The following KLRG1 variants were observed in gnomAD, a reference collection of about 807,000 sequenced individuals.
KLRG1 encodes killer cell lectin like receptor G1.
KLRG1 carries 16 observed loss-of-function variants against 21.8 expected under a neutral mutation model. The observed-to-expected ratio is 0.73, with a 90% confidence interval of 0.50 to 1.11. The LOEUF (loss-of-function observed/expected upper bound fraction) is 1.11, where lower values mean the gene tolerates loss of function less well. KLRG1 is among the 50% of genes most tolerant of loss of function. The pLI is 0.00. For synonymous variants in KLRG1, 69 were observed against 75.9 expected, an observed-to-expected ratio of 0.91 and a Z score of 0.47; for missense variants, 173 against 218.3, an observed-to-expected ratio of 0.79 and a Z score of 1.31.
chr12:9,010,041 G>A lies in KLRG1; in HGVS notation c.*504G>A, dbSNP rs1947597605. 6.5e-7 allele frequency: 1 copy of A among 1,530,350 alleles called. No individual in the cohort carries two copies. Among genetic ancestry groups the A allele is most frequent in the Non-Finnish European group, 8.7e-7 (1 of 1,143,084 alleles). 94.8% of individuals were successfully genotyped at this position (1,530,350 alleles called of 1,614,324 possible). A position where few individuals can be genotyped will look rare whatever the true frequency, so the allele number is the denominator to read the frequency against. On this transcript the variant is annotated 3_prime_UTR_variant, in exon 5 of 5. Coordinates refer to ENST00000356986, the MANE Select transcript of KLRG1 (RefSeq NM_005810.4). The stretch of plus-strand genomic sequence containing the variant: ...AGCTTTATTCTGAAGAATAAACCTA[G>A]CTGGCATGCTGGTGTGTACCTGTAG...
At chr12:9,154,694 C>A in the KLRG1 span, 1 of 1,614,102 alleles carries the variant, frequency 6.2e-7, no homozygotes. Flanking sequence ...AGGTCAGGTC[C>A]CCTGAGGTGG....
chr12:9,203,642 CT>C, the KLRG1 span: 1 of 1,174,722 alleles, frequency 8.5e-7, no homozygotes, highest in East Asian at 2.5e-5. Context: ...CACCTGGCCC[CT>C]GAAGTCCTAA....
chr12:9,006,250 G>A (rs906355112), intron 3 of KLRG1, among the ~76,000 whole-genome samples: 10 of 152,206 alleles, frequency 6.6e-5, no homozygotes, highest in African/African-American at 2.4e-4. Context: ...TAAAGAAAAT[G>A]AAACAGTATG....
the KLRG1 span, chr12:9,068,204 A>G: frequency 6.2e-7 from 1 of 1,611,532 alleles, no homozygotes; most frequent in Non-Finnish European, 8.5e-7. Context: ...GGAGCATTGT[A>G]CTCAGCAATT....
chr12:9,164,383 A>G, the KLRG1 span: 11 of 1,035,392 alleles, frequency 1.1e-5, no homozygotes, highest in Non-Finnish European at 1.1e-5. Flanking sequence ...TGTATGTCAC[A>G]TAGATTCATC....
intron 1 of KLRG1, among the ~76,000 whole-genome samples, chr12:8,959,050 G>GT (rs1290678154): frequency 6.6e-6 from 1 of 152,050 alleles, no homozygotes; most frequent in Admixed American, 6.6e-5. Context: ...AAGTTAAATT[G>GT]TTTTTTTGTC....
the KLRG1 span, among the ~76,000 whole-genome samples, chr12:9,065,475 C>G: frequency 6.6e-6 from 1 of 152,166 alleles, no homozygotes; most frequent in South Asian, 2.1e-4. Context: ...ACAGCCTGGC[C>G]GAGCGTGCAC....
the KLRG1 span, among the ~76,000 whole-genome samples, chr12:9,191,727 C>T: frequency 6.6e-6 from 1 of 152,082 alleles, no homozygotes; most frequent in Non-Finnish European, 1.5e-5. Context: ...TCTTGGTTCC[C>T]CAGGCCTCAA....
chr12:8,968,394 T>C (rs1946514385), intron 1 of KLRG1, among the ~76,000 whole-genome samples: 1 of 152,140 alleles, frequency 6.6e-6, no homozygotes, highest in African/African-American at 2.4e-5. Context: ...GGATAAGGGG[T>C]GATAATTTTA....
At chr12:9,199,509 A>G in the KLRG1 span, among the ~76,000 whole-genome samples, 7 of 152,304 alleles carry the variant, frequency 4.6e-5, no homozygotes, top group East Asian at 1.2e-3. Context: ...AAAAAGATCA[A>G]TGTAAAACAT....
At chr12:8,959,457 C>T (rs987140535) in intron 1 of KLRG1, among the ~76,000 whole-genome samples, 1 of 152,160 alleles carries the variant, frequency 6.6e-6, no homozygotes, top group African/African-American at 2.4e-5. Flanking sequence ...TCATCCCCAG[C>T]CAATCCGTTG....
Position 8,964,597 on chromosome 12 carries a change from C to T in KLRG1, c.-156+14361C>T, listed in dbSNP as rs776590314. 3.3e-5 allele frequency among the ~76,000 whole-genome samples: 5 copies of T among 151,564 alleles called. No homozygotes were observed. The East Asian group carries it at 9.7e-4, about 29-fold the overall frequency. On this transcript the variant is annotated intron_variant, in intron 1 of 4. Coordinates refer to the KLRG1 transcript ENST00000539240. ...TTCAATTCCTGGGTATCCTTGTTAACTTTCTGTCTCGTTGATCTGTCTAAT... is the reference window on the plus strand; with the variant it reads ...TTCAATTCCTGGGTATCCTTGTTAATTTTCTGTCTCGTTGATCTGTCTAAT...
intron 1 of KLRG1, among the ~76,000 whole-genome samples, chr12:8,963,203 C>T (rs1946408849): frequency 6.6e-6 from 1 of 152,138 alleles, no homozygotes; most frequent in Admixed American, 6.5e-5. Context: ...TGAAGGCAAA[C>T]TCAATTTTTT....
chr12:8,999,168 CTATGAG>C (rs762287071), intron 3 of KLRG1, among the ~76,000 whole-genome samples: 3 of 152,036 alleles, frequency 2.0e-5, no homozygotes, highest in African/African-American at 4.8e-5. Context: ...TCTTCTTGCC[CTATGAG>C]TATATCTTTA....
chr12:9,022,162 A>G, the KLRG1 span, among the ~76,000 whole-genome samples: 5 of 152,180 alleles, frequency 3.3e-5, no homozygotes, highest in Non-Finnish European at 7.3e-5. Flanking sequence ...AGTATACTAA[A>G]TACATAAACA....
At chr12:9,052,683 G>T in the KLRG1 span, 1 of 376,228 alleles carries the variant, frequency 2.7e-6, no homozygotes, top group East Asian at 7.4e-5. Context: ...TAAGGGTATG[G>T]ACTCTGGAGC....
chr12:9,189,593 T>C, the KLRG1 span, among the ~76,000 whole-genome samples: 1 of 152,182 alleles, frequency 6.6e-6, no homozygotes, highest in African/African-American at 2.4e-5. Flanking sequence ...AAAGATTTCA[T>C]GAAGAAGACA....
the KLRG1 span, among the ~76,000 whole-genome samples, chr12:9,078,414 CCA>C: frequency 2.0e-5 from 3 of 152,194 alleles, no homozygotes; most frequent in African/African-American, 7.2e-5. Context: ...TGTATATGTA[CCA>C]CATTTTCTTT....
the KLRG1 span, among the ~76,000 whole-genome samples, chr12:9,033,672 A>G: frequency 6.6e-6 from 1 of 152,232 alleles, no homozygotes; most frequent in Non-Finnish European, 1.5e-5. Flanking sequence ...TGAAGAGGAC[A>G]AAGACACTTT....
Sources: gnomAD v4.1 joint callset for allele counts (sites outside exome capture counted in the v4.1 genomes callset) on GRCh38, gnomAD v4.1.1 for gene constraint, MANE v1.5 for transcripts, NCBI Gene and HGNC (gene_info 2026-07-23, HGNC 2026-07-21) for gene names.